The following ZBTB7C variants were observed in gnomAD, a reference collection of about 807,000 sequenced individuals.
The protein encoded by ZBTB7C is zinc finger and BTB domain containing 7C.
ZBTB7C carries 8 observed loss-of-function variants against 25.7 expected under a neutral mutation model. That is an observed-to-expected ratio of 0.31 (90% CI 0.18 to 0.56). The LOEUF (loss-of-function observed/expected upper bound fraction) is 0.56, where lower values mean the gene tolerates loss of function less well. Among genes scored for constraint, ZBTB7C ranks in the 20% least tolerant of loss-of-function variants. The probability of loss-of-function intolerance (pLI) is 0.91; values close to 1 mark genes in which losing one functional copy is unlikely to be tolerated. For synonymous variants in ZBTB7C, 394 were observed against 369.0 expected (o/e 1.07, Z -0.78); for missense variants, 824 against 855.2 (o/e 0.96, Z 0.46).
intron 3 of ZBTB7C, among the ~76,000 whole-genome samples, chr18:48,154,754 C>T (rs1302037292): frequency 1.3e-5 from 2 of 152,206 alleles, no homozygotes; most frequent in Admixed American, 1.3e-4. Flanking sequence ...CACCCTCCAT[C>T]CCAACCTTTC....
At chr18:48,361,516 A>G (rs1443221605) in intron 1 of ZBTB7C, among the ~76,000 whole-genome samples, 1 of 152,186 alleles carries the variant, frequency 6.6e-6, no homozygotes, top group African/African-American at 2.4e-5. Context: ...GATCAGGCCT[A>G]AAACATATCA....
intron 2 of ZBTB7C, among the ~76,000 whole-genome samples, chr18:48,245,990 T>C (rs916461591): frequency 6.6e-6 from 1 of 152,228 alleles, no homozygotes; most frequent in African/African-American, 2.4e-5. Context: ...AATGGAATCA[T>C]ATAGCTCAGG....
At chr18:48,162,146 T>C (rs6507819) in intron 3 of ZBTB7C, among the ~76,000 whole-genome samples, 112,007 of 152,208 alleles carry the variant, frequency 0.74, 41,536 homozygotes, top group Admixed American at 0.82. Flanking sequence ...GACCCGGCTG[T>C]AGTTATCAGC....
chr18:48,211,310 C>T (rs2042696937), intron 2 of ZBTB7C, among the ~76,000 whole-genome samples: 1 of 151,998 alleles, frequency 6.6e-6, no homozygotes, highest in African/African-American at 2.4e-5. Flanking sequence ...ACACCAAAGG[C>T]ACAACCCATA....
chr18:48,213,863 G>A (rs2042760010), intron 2 of ZBTB7C, among the ~76,000 whole-genome samples: 1 of 152,222 alleles, frequency 6.6e-6, no homozygotes, highest in Admixed American at 6.5e-5. Flanking sequence ...GAGCTTTCAT[G>A]TGAGGTGGTT....
At chr18:48,344,646 C>T (rs1416479082) in intron 1 of ZBTB7C, among the ~76,000 whole-genome samples, 3 of 152,152 alleles carry the variant, frequency 2.0e-5, no homozygotes, top group Non-Finnish European at 4.4e-5. Context: ...TAGGAGAACG[C>T]TTTATGAAAT....
Position 48,351,719 on chromosome 18 carries a change from A to G in ZBTB7C, c.-303-13321T>C, listed in dbSNP as rs1471705006. Among the ~76,000 whole-genome samples, 5 of 152,360 alleles carry G rather than the reference A, an allele frequency of 3.3e-5. No homozygotes were observed. The East Asian group carries it at 7.7e-4, about 24-fold the overall frequency. On this transcript the variant is annotated intron_variant, in intron 1 of 4. Transcript: ENST00000590800. ...AGTTAAATCACTTATTCAGGAAGACAGGAAGCCTTTGACAGCAGTGACTGA... is the reference window on the plus strand; with the variant it reads ...AGTTAAATCACTTATTCAGGAAGACGGGAAGCCTTTGACAGCAGTGACTGA...
chr18:48,204,025 A>G (rs2042518484), intron 2 of ZBTB7C, among the ~76,000 whole-genome samples: 1 of 152,222 alleles, frequency 6.6e-6, no homozygotes, highest in Non-Finnish European at 1.5e-5. Context: ...CATCAGCTAC[A>G]GTGTGAAGCT....
chr18:48,143,258 A>G (rs1051002622), intron 3 of ZBTB7C, among the ~76,000 whole-genome samples: 2 of 151,952 alleles, frequency 1.3e-5, no homozygotes, highest in African/African-American at 4.8e-5. Context: ...GCTGCAGTGG[A>G]ACCTTGGCCA....
intron 1 of ZBTB7C, among the ~76,000 whole-genome samples, chr18:48,395,462 TGTG>T (rs1177755417): frequency 6.0e-5 from 2 of 33,254 alleles, no homozygotes; most frequent in Admixed American, 2.2e-4. Context: ...TCTATTCAAA[TGTG>T]TGTGTGTGTG....
At chr18:48,303,299 G>A (rs1008225936) in intron 2 of ZBTB7C, among the ~76,000 whole-genome samples, 1 of 152,238 alleles carries the variant, frequency 6.6e-6, no homozygotes, top group African/African-American at 2.4e-5. Flanking sequence ...AGTGATCCCT[G>A]AGAATCACCA....
chr18:48,349,535 A>C (rs1598926962), intron 1 of ZBTB7C, among the ~76,000 whole-genome samples: 1 of 152,342 alleles, frequency 6.6e-6, no homozygotes, highest in East Asian at 1.9e-4. Context: ...GGCTGGGCAC[A>C]CAGCTCCAAA....
At chr18:48,092,259 T>G (rs1322828748) in intron 3 of ZBTB7C, among the ~76,000 whole-genome samples, 4 of 152,224 alleles carry the variant, frequency 2.6e-5, no homozygotes, top group Non-Finnish European at 5.9e-5. Flanking sequence ...TAACACGTTG[T>G]GAACCCTGGA....
At chr18:48,062,164 A>G (rs1258565243) in intron 3 of ZBTB7C, among the ~76,000 whole-genome samples, 1 of 152,252 alleles carries the variant, frequency 6.6e-6, no homozygotes, top group East Asian at 1.9e-4. Flanking sequence ...CCTTTGGCCC[A>G]ATATTGCTTC....
intron 3 of ZBTB7C, among the ~76,000 whole-genome samples, chr18:48,051,127 C>G (rs2036670828): frequency 6.6e-6 from 1 of 152,138 alleles, no homozygotes; most frequent in Non-Finnish European, 1.5e-5. Context: ...ACCCTTTCTC[C>G]ATCTCCTCTA....
intron 3 of ZBTB7C, chr18:48,077,035 A>G (rs1490830122): frequency 9.1e-5 from 87 of 957,562 alleles, no homozygotes; most frequent in Non-Finnish European, 1.0e-4. Flanking sequence ...AGAGAATAGA[A>G]AGAAATGCAC....
chr18:48,067,099 C>T (rs918019398), intron 3 of ZBTB7C, among the ~76,000 whole-genome samples: 1 of 149,950 alleles, frequency 6.7e-6, no homozygotes, highest in African/African-American at 2.4e-5. Flanking sequence ...AAGTCTCCAT[C>T]TCCAAAAAAA....
Position 48,134,016 on chromosome 18 carries a change from G to A in ZBTB7C, c.-17+51918C>T, listed in dbSNP as rs117801790. On this transcript the variant is annotated intron_variant, in intron 3 of 4. Coordinates refer to ENST00000590800, the MANE Select transcript of ZBTB7C (RefSeq NM_001318841.2). ...TATCAAGCTGATAATCTCAATATTG[G>A]GGGAAAATGCCTTTATTCTGGCAGC... Among the ~76,000 whole-genome samples the A allele has an allele frequency of 4.3e-3, 661 of 152,020 alleles. 4 individuals are homozygous for A. The highest frequency in any genetic ancestry group is 7.7e-3 in the Non-Finnish European group (524 of 67,990).
chr18:48,194,932 T>C (rs2042284488), intron 2 of ZBTB7C, among the ~76,000 whole-genome samples: 1 of 152,156 alleles, frequency 6.6e-6, no homozygotes, highest in Non-Finnish European at 1.5e-5. Context: ...TCCCCATCCC[T>C]GCTTCCCCTT....
Sources: gnomAD v4.1 joint callset for allele counts (sites outside exome capture counted in the v4.1 genomes callset) on GRCh38, gnomAD v4.1.1 for gene constraint, MANE v1.5 for transcripts, NCBI Gene and HGNC (gene_info 2026-07-23, HGNC 2026-07-21) for gene names.